Variants in CTBP2 observed in about 807,000 individuals in gnomAD.
The protein encoded by CTBP2 is C-terminal binding protein 2.
CTBP2 carries 30 observed loss-of-function variants against 80.3 expected under a neutral mutation model. The observed-to-expected ratio is 0.37, with a 90% CI of 0.28 to 0.51. CTBP2 has a LOEUF of 0.51. Ranked by LOEUF, CTBP2 falls within the 20% of genes least tolerant of loss-of-function variation. The pLI is 0.93. For missense variants in CTBP2, 1,212 were observed against 1,375.3 expected (o/e 0.88, Z 1.88); for synonymous variants, 594 against 587.4 (o/e 1.01, Z -0.16).
At chr10:125,152,509 G>C (rs1428073317) in intron 1 of CTBP2, among the ~76,000 whole-genome samples, 1 of 152,230 alleles carries the variant, frequency 6.6e-6, no homozygotes, top group African/African-American at 2.4e-5. Context: ...TATGACTTGG[G>C]GGAGGCAATT....
At chr10:125,049,090 C>CACACACACACACACACGT (rs1554886936) in intron 2 of CTBP2, among the ~76,000 whole-genome samples, 2 of 149,292 alleles carry the variant, frequency 1.3e-5, no homozygotes, top group African/African-American at 5.0e-5. Flanking sequence ...CACACACACA[C>CACACACACACACACACGT]ACGTCCACCT....
chr10:125,014,910 C>A (rs1390376434), intron 1 of CTBP2, among the ~76,000 whole-genome samples: 2 of 152,218 alleles, frequency 1.3e-5, no homozygotes, highest in African/African-American at 4.8e-5. Context: ...AAGGGCCAAT[C>A]ATCAGATCTC....
chr10:125,159,125 G>A (rs1292845900), intron 1 of CTBP2, among the ~76,000 whole-genome samples: 1 of 150,658 alleles, frequency 6.6e-6, no homozygotes, highest in Admixed American at 6.6e-5. Context: ...AAAGAAAGGC[G>A]CTTCCCCTCG....
intron 1 of CTBP2, among the ~76,000 whole-genome samples, chr10:125,024,044 G>A (rs1590141931): frequency 1.3e-5 from 2 of 152,294 alleles, no homozygotes; most frequent in South Asian, 4.1e-4. Context: ...ACCAGAGGCC[G>A]GCGGGACTGC....
intron 1 of CTBP2, among the ~76,000 whole-genome samples, chr10:125,017,669 A>C (rs960627398): frequency 6.6e-6 from 1 of 152,242 alleles, no homozygotes; most frequent in African/African-American, 2.4e-5. Context: ...GGGAGAATTA[A>C]TTCCCTGAAC....
chr10:125,140,994 G>C (rs1467994822), intron 1 of CTBP2, among the ~76,000 whole-genome samples: 1 of 151,644 alleles, frequency 6.6e-6, no homozygotes, highest in African/African-American at 2.4e-5. Context: ...ACAAAAATTA[G>C]CCAGGCCTGA....
intron 1 of CTBP2, among the ~76,000 whole-genome samples, chr10:125,150,129 TCAGGTGTGCA>T (rs1034254789): frequency 6.6e-6 from 1 of 152,194 alleles, no homozygotes; most frequent in Non-Finnish European, 1.5e-5. Context: ...AGATCCTATT[TCAGGTGTGCA>T]CATGGCTCCA....
At chr10:125,055,685 G>A (rs1963745150) in intron 2 of CTBP2, among the ~76,000 whole-genome samples, 1 of 152,136 alleles carries the variant, frequency 6.6e-6, no homozygotes, top group South Asian at 2.1e-4. Flanking sequence ...GCTCTCCAGA[G>A]CAGACACAGA....
At chr10:125,161,575 C>T (rs1447190508), upstream of CTBP2, among the ~76,000 whole-genome samples, 6 of 152,268 alleles carry the variant, frequency 3.9e-5, 1 homozygote, top group South Asian at 1.2e-3. Flanking sequence ...CCACAGGGGG[C>T]ACTTGCGCTC....
chr10:125,034,052 C>T (rs1958563924), intron 3 of CTBP2, among the ~76,000 whole-genome samples: 1 of 152,186 alleles, frequency 6.6e-6, no homozygotes, highest in African/African-American at 2.4e-5. Flanking sequence ...GTGGCCTTAA[C>T]ATGTTGCTAT....
chr10:124,987,565 A>T lies in CTBP2; in HGVS notation c.*1953T>A, dbSNP rs1057241789. The T allele has an allele frequency of 3.9e-5, 6 of 151,994 alleles. No individual in the cohort carries two copies. Among genetic ancestry groups the T allele is most frequent in the Non-Finnish European group, 8.8e-5 (6 of 68,010 alleles). The allele number at this position is 151,994 out of a possible 1,614,324, so 9.4% of individuals were successfully genotyped here. Reference sequence around the variant, plus strand: ...CGCATATTTCATTGCCTCTTTGATGAGTGGTTACGAAGACGTTAAACTACC... The same window carrying T: ...CGCATATTTCATTGCCTCTTTGATGTGTGGTTACGAAGACGTTAAACTACC... On this transcript the variant is annotated 3_prime_UTR_variant, in exon 9 of 9. Transcript: ENST00000309035.
chr10:125,084,968 C>T (rs1847765208), intron 2 of CTBP2, among the ~76,000 whole-genome samples: 1 of 152,238 alleles, frequency 6.6e-6, no homozygotes. Flanking sequence ...AACATTTCCC[C>T]CAGCTCTAGG....
intron 2 of CTBP2, among the ~76,000 whole-genome samples, chr10:125,050,097 C>T (rs1321624107): frequency 6.6e-6 from 1 of 152,216 alleles, no homozygotes; most frequent in Non-Finnish European, 1.5e-5. Flanking sequence ...CCAGGAGAGC[C>T]AACTCAGACC....
intron 2 of CTBP2, among the ~76,000 whole-genome samples, chr10:125,049,243 G>A (rs779379026): frequency 1.3e-5 from 2 of 152,148 alleles, no homozygotes; most frequent in Non-Finnish European, 2.9e-5. Flanking sequence ...GCCCCACTAC[G>A]GGAGACAGAT....
At chr10:125,141,890 G>C (rs752035201) in intron 1 of CTBP2, among the ~76,000 whole-genome samples, 9 of 152,200 alleles carry the variant, frequency 5.9e-5, no homozygotes, top group Non-Finnish European at 1.3e-4. Flanking sequence ...CCCCCACAGA[G>C]AAAGGAGAAA....
chr10:125,098,313 G>C (rs1453131177), intron 2 of CTBP2, among the ~76,000 whole-genome samples: 1 of 152,134 alleles, frequency 6.6e-6, no homozygotes, highest in Non-Finnish European at 1.5e-5. Context: ...AACTTAGGCA[G>C]ACTACTCCCC....
intron 2 of CTBP2, among the ~76,000 whole-genome samples, chr10:125,044,329 T>G (rs113294822): frequency 1.3e-5 from 2 of 151,846 alleles, no homozygotes; most frequent in Non-Finnish European, 2.9e-5. Context: ...CCGAGGATCC[T>G]GCTGGTGTGG....
intron 2 of CTBP2, among the ~76,000 whole-genome samples, chr10:125,059,715 A>G (rs1964605049): frequency 1.3e-5 from 2 of 152,118 alleles, no homozygotes; most frequent in Admixed American, 1.3e-4. Context: ...CTCCAAGGCC[A>G]CTGACACTGC....
In CTBP2 at chr10:125,121,798, A is replaced by G. The variant is rs118096439; in HGVS notation, c.-205-10705T>C. 5.1e-4 allele frequency among the ~76,000 whole-genome samples: 78 copies of G among 152,328 alleles called. 2 individuals carry two copies. In the East Asian group the frequency reaches 0.014, roughly 27 times the overall value. On this transcript the variant is annotated intron_variant, in intron 1 of 10. Transcript: ENST00000337195. ...CAAACTCCTTTCCACCTTGCGCCAC[A>G]CCACGCTGTCACCCAGGCTCAAGAA...
Sources: gnomAD v4.1 joint callset for allele counts (sites outside exome capture counted in the v4.1 genomes callset) on GRCh38, gnomAD v4.1.1 for gene constraint, MANE v1.5 for transcripts, NCBI Gene and HGNC (gene_info 2026-07-23, HGNC 2026-07-21) for gene names.